The following KIAA1217 variants were observed in gnomAD, a reference collection of about 807,000 sequenced individuals.
The protein encoded by KIAA1217 is sickle tail protein homolog.
Under a neutral mutation model 163.9 loss-of-function variants are expected in KIAA1217, and 88 were observed. The ratio of observed to expected loss-of-function variants is 0.54; its 90% CI spans 0.45 to 0.64. The LOEUF (loss-of-function observed/expected upper bound fraction) is 0.64, where lower values mean the gene tolerates loss of function less well. KIAA1217 is among the 30% of genes least tolerant of loss of function. KIAA1217 has a pLI of 0.00. For synonymous variants in KIAA1217, 903 were observed against 923.1 expected, an observed-to-expected ratio of 0.98 and a Z score of 0.39; for missense variants, 2,372 against 2,475.0, an observed-to-expected ratio of 0.96 and a Z score of 0.88.
intron 2 of KIAA1217, among the ~76,000 whole-genome samples, chr10:24,134,410 T>G (rs115400280): frequency 0.011 from 1,696 of 152,240 alleles, 28 homozygotes; most frequent in African/African-American, 0.039. Context: ...GGCAAAAGCA[T>G]AAGATATGCT....
intron 2 of KIAA1217, among the ~76,000 whole-genome samples, chr10:24,069,322 T>C (rs1421050779): frequency 6.6e-6 from 1 of 152,206 alleles, no homozygotes; most frequent in Admixed American, 6.5e-5. Context: ...GTTTTCGTTT[T>C]TGTTTTATCT....
chr10:24,396,653 G>C (rs1345553487), intron 3 of KIAA1217, among the ~76,000 whole-genome samples: 1 of 152,124 alleles, frequency 6.6e-6, no homozygotes, highest in Non-Finnish European at 1.5e-5. Context: ...AGATATCTGG[G>C]GGAAGAGAGT....
intron 1 of KIAA1217, among the ~76,000 whole-genome samples, chr10:23,755,447 G>A (rs1833872790): frequency 6.6e-6 from 1 of 152,186 alleles, no homozygotes; most frequent in Admixed American, 6.5e-5. Flanking sequence ...GATCATAAAA[G>A]TCCCTAATAT....
intron 2 of KIAA1217, among the ~76,000 whole-genome samples, chr10:24,123,914 A>T (rs1166491066): frequency 6.6e-6 from 1 of 152,154 alleles, no homozygotes; most frequent in African/African-American, 2.4e-5. Flanking sequence ...TTGCATTGAG[A>T]ACTGTGTTAT....
chr10:24,523,023 C>T (rs562767393), intron 12 of KIAA1217, among the ~76,000 whole-genome samples: 3 of 151,560 alleles, frequency 2.0e-5, no homozygotes, highest in Admixed American at 6.6e-5. Flanking sequence ...TGCAGTGGCA[C>T]GTGCTCGTAA....
chr10:23,858,180 A>G (rs1460523892), intron 1 of KIAA1217, among the ~76,000 whole-genome samples: 1 of 152,038 alleles, frequency 6.6e-6, no homozygotes, highest in East Asian at 1.9e-4. Context: ...CTGGGCTCTG[A>G]CTTAATCCTG....
chr10:24,352,030 A>T (rs2048518005), intron 2 of KIAA1217, among the ~76,000 whole-genome samples: 1 of 152,194 alleles, frequency 6.6e-6, no homozygotes, highest in Non-Finnish European at 1.5e-5. Context: ...CTCACACAGG[A>T]TCACTTTTCT....
At chr10:24,105,632 G>GAGCTTA (rs113503838) in intron 2 of KIAA1217, among the ~76,000 whole-genome samples, 13 of 152,194 alleles carry the variant, frequency 8.5e-5, no homozygotes, top group Admixed American at 3.3e-4. Flanking sequence ...GTCTCCCTTG[G>GAGCTTA]AGCTTAGTGG....
chr10:24,142,005 C>T (rs1373432524), intron 2 of KIAA1217, among the ~76,000 whole-genome samples: 2 of 151,982 alleles, frequency 1.3e-5, no homozygotes, highest in Admixed American at 6.6e-5. Flanking sequence ...CAGGTAAAGA[C>T]ACCAATATAT....
intron 2 of KIAA1217, among the ~76,000 whole-genome samples, chr10:24,178,947 C>A (rs1293291514): frequency 1.3e-5 from 2 of 152,070 alleles, no homozygotes; most frequent in Non-Finnish European, 2.9e-5. Context: ...CACTTTTGAG[C>A]ATTTCTTCCT....
intron 2 of KIAA1217, among the ~76,000 whole-genome samples, chr10:24,112,130 A>G (rs977948566): frequency 6.6e-6 from 1 of 152,144 alleles, no homozygotes; most frequent in Non-Finnish European, 1.5e-5. Flanking sequence ...AATTACAGAC[A>G]TTTTCCTGTA....
At chr10:23,923,345 G>A (rs1224410382) in intron 1 of KIAA1217, among the ~76,000 whole-genome samples, 2 of 151,892 alleles carry the variant, frequency 1.3e-5, no homozygotes, top group African/African-American at 4.8e-5. Flanking sequence ...TTTAAAATAA[G>A]AACTCTGTGC....
chr10:24,307,082 T>A (rs2042086533), intron 2 of KIAA1217, among the ~76,000 whole-genome samples: 1 of 152,212 alleles, frequency 6.6e-6, no homozygotes, highest in African/African-American at 2.4e-5. Flanking sequence ...AGGTCTTAGT[T>A]TATTTTATTC....
At chr10:23,804,850 A>C (rs1836660390) in intron 1 of KIAA1217, among the ~76,000 whole-genome samples, 1 of 152,204 alleles carries the variant, frequency 6.6e-6, no homozygotes, top group South Asian at 2.1e-4. Flanking sequence ...ATGACACCTT[A>C]ATATGCACTC....
intron 2 of KIAA1217, among the ~76,000 whole-genome samples, chr10:24,091,068 G>A (rs2061920774): frequency 6.6e-6 from 1 of 151,908 alleles, no homozygotes; most frequent in Non-Finnish European, 1.5e-5. Flanking sequence ...GATTACCACA[G>A]TAAGTACTTC....
At chr10:24,321,489 C>T (rs1237671795) in intron 2 of KIAA1217, among the ~76,000 whole-genome samples, 6 of 152,072 alleles carry the variant, frequency 3.9e-5, no homozygotes, top group South Asian at 2.1e-4. Context: ...GCCAAGATCG[C>T]GCCACTGCAC....
chr10:24,066,743 A>G (rs1036067269), intron 2 of KIAA1217, among the ~76,000 whole-genome samples: 4 of 152,182 alleles, frequency 2.6e-5, no homozygotes, highest in Non-Finnish European at 5.9e-5. Context: ...AGTGTTTTCC[A>G]ACTTGGTTCC....
chr10:23,855,588 A>G (rs1027746366), intron 1 of KIAA1217, among the ~76,000 whole-genome samples: 1 of 151,812 alleles, frequency 6.6e-6, no homozygotes, highest in Non-Finnish European at 1.5e-5. Flanking sequence ...GAAGTTCTGG[A>G]TAATATCCTG....
chr10:24,455,515 A>G (rs956079975), intron 5 of KIAA1217, among the ~76,000 whole-genome samples: 3 of 152,202 alleles, frequency 2.0e-5, no homozygotes, highest in African/African-American at 7.2e-5. Flanking sequence ...CCTGTTTTTG[A>G]TATAAATGTA....
Sources: gnomAD v4.1 joint callset for allele counts (sites outside exome capture counted in the v4.1 genomes callset) on GRCh38, gnomAD v4.1.1 for gene constraint, MANE v1.5 for transcripts, NCBI Gene and HGNC (gene_info 2026-07-23, HGNC 2026-07-21) for gene names.